The following ZNF33B variants were observed in gnomAD, a reference collection of about 807,000 sequenced individuals.
The protein encoded by ZNF33B is zinc finger protein 33B.
ZNF33B carries 29 observed loss-of-function variants against 45.8 expected under a neutral mutation model. The observed-to-expected ratio is 0.63, with a 90% confidence interval of 0.47 to 0.86. The LOEUF is 0.86. ZNF33B is among the 40% of genes least tolerant of loss of function. The pLI is 0.00. For missense variants in ZNF33B, 831 were observed against 909.9 expected, an observed-to-expected ratio of 0.91 and a Z score of 1.12; for synonymous variants, 305 against 307.8, an observed-to-expected ratio of 0.99 and a Z score of 0.10.
intron 4 of ZNF33B, among the ~76,000 whole-genome samples, chr10:42,610,624 C>G (rs1191165688): frequency 6.6e-6 from 1 of 152,138 alleles, no homozygotes; most frequent in Non-Finnish European, 1.5e-5. Flanking sequence ...AAATACAGAG[C>G]TTGTAGTCTG....
rs1044714361 is a variant in ZNF33B, at chr10:42,616,942, C to T, written c.250+14987G>A. On this transcript the variant is annotated intron_variant, in intron 4 of 4. Coordinates refer to ENST00000359467, the MANE Select transcript of ZNF33B (RefSeq NM_006955.3). ...ATCTCCTGACCTCGTGATCTGCACA[C>T]CTCAGCCTCCCAAAGTGCTGGGATT... Among the ~76,000 whole-genome samples, 7 of 152,072 alleles carry T rather than the reference C, an allele frequency of 4.6e-5. 1 individual carries two copies. In the South Asian group the frequency reaches 8.3e-4, roughly 18 times the overall value.
downstream of ZNF33B, among the ~76,000 whole-genome samples, chr10:42,588,620 G>A (rs1353006859): frequency 6.6e-6 from 1 of 152,226 alleles, no homozygotes; most frequent in African/African-American, 2.4e-5. Flanking sequence ...TCAGAAAGGT[G>A]AGGAGGACAC....
chr10:42,580,225 C>T (rs1223942593), intron 1 of ZNF33B, among the ~76,000 whole-genome samples: 2 of 152,024 alleles, frequency 1.3e-5, no homozygotes, highest in Non-Finnish European at 2.9e-5. Context: ...TTTCTCATCC[C>T]ATGGTTTTTG....
At chr10:42,636,276 A>C (rs1839296113) in intron 2 of ZNF33B, among the ~76,000 whole-genome samples, 1 of 152,226 alleles carries the variant, frequency 6.6e-6, no homozygotes. Context: ...CAGGGCTAAC[A>C]CTGGAAGGTT....
intron 4 of ZNF33B, among the ~76,000 whole-genome samples, chr10:42,620,087 G>A (rs1157139932): frequency 2.0e-5 from 3 of 151,814 alleles, no homozygotes; most frequent in Non-Finnish European, 2.9e-5. Context: ...GTGGTGGCAC[G>A]TGCCTGTAGT....
In ZNF33B at chr10:42,592,580, C is replaced by T. The variant is rs1469169197; in HGVS notation, c.*33G>A. ...TGAAGACTCTGAGGCATTATGGAGG[C>T]TGACTTGTGGCTGGAAATTTCTAAT... On this transcript the variant is annotated 3_prime_UTR_variant, in exon 5 of 5. Transcript: ENST00000359467. 2 of 1,592,638 alleles carry T rather than the reference C, an allele frequency of 1.3e-6. No homozygotes were observed. The highest frequency in any genetic ancestry group is 1.7e-6 in the Non-Finnish European group (2 of 1,169,426).
chr10:42,627,820 T>A (rs1288885126), intron 4 of ZNF33B, among the ~76,000 whole-genome samples: 1 of 150,374 alleles, frequency 6.7e-6, no homozygotes, highest in African/African-American at 2.5e-5. Context: ...TTCTAAATTA[T>A]TATATATTTC....
chr10:42,623,494 C>T (rs963929796), intron 4 of ZNF33B, among the ~76,000 whole-genome samples: 14 of 152,284 alleles, frequency 9.2e-5, no homozygotes, highest in Admixed American at 8.5e-4. Flanking sequence ...ATGGATTAAA[C>T]AGCCAGAAAA....
intron 2 of ZNF33B, 173 bp downstream of exon 2, chr10:42,636,747 G>A (rs570437494): frequency 3.8e-6 from 3 of 799,540 alleles, no homozygotes; most frequent in South Asian, 1.8e-5. Flanking sequence ...TTGAACCCAG[G>A]AGGCAGAGGT....
rs572237020 is a variant in ZNF33B at position 42,575,727 on chromosome 10, T to TATATATAC, written c.74-1050_74-1049insGTATATAT. ...CTGCATAATAATATATATATATATA[T>TATATATAC]ACATATATATTTTTTTTTTTTGAGA... On this transcript the variant is annotated intron_variant, in intron 1 of 1. Coordinates refer to the ZNF33B transcript ENST00000462075. 4.6e-3 allele frequency among the ~76,000 whole-genome samples: 673 copies of TATATATAC among 144,966 alleles called. 20 individuals carry two copies. In the South Asian group the frequency reaches 0.067, roughly 14 times the overall value.
At chr10:42,629,296 G>C (rs537778077) in intron 4 of ZNF33B, among the ~76,000 whole-genome samples, 29 of 152,312 alleles carry the variant, frequency 1.9e-4, no homozygotes, top group African/African-American at 6.7e-4. Flanking sequence ...GGCTGGGAAA[G>C]GTGGTGGGGT....
intron 4 of ZNF33B, 151 bp from the exon 5 acceptor site, chr10:42,594,850 T>C (rs1297461831): frequency 6.2e-6 from 6 of 961,740 alleles, no homozygotes; most frequent in Non-Finnish European, 8.5e-6. Flanking sequence ...TATTTTTTTG[T>C]ATTTCATGAG....
chr10:42,596,737 T>A (rs372504256), intron 4 of ZNF33B, among the ~76,000 whole-genome samples: 7 of 152,102 alleles, frequency 4.6e-5, no homozygotes, highest in Admixed American at 4.6e-4. Context: ...CAATTTCCAA[T>A]TGATCATTTC....
At chr10:42,627,707 T>C (rs1289611702) in intron 4 of ZNF33B, among the ~76,000 whole-genome samples, 1 of 152,218 alleles carries the variant, frequency 6.6e-6, no homozygotes, top group Non-Finnish European at 1.5e-5. Flanking sequence ...CCCACATATA[T>C]TGATATGGTA....
intron 4 of ZNF33B, among the ~76,000 whole-genome samples, chr10:42,609,211 T>C (rs1837998203): frequency 6.6e-6 from 1 of 150,814 alleles, no homozygotes; most frequent in African/African-American, 2.4e-5. Context: ...AACTCAGGAG[T>C]TTGAGACCAG....
rs754747309 is a variant in ZNF33B at position 42,593,346 on chromosome 10, CAGA to C, written c.1601_1603del (p.Phe534del). On this transcript the variant is annotated inframe_deletion, in exon 5 of 5. Transcript: ENST00000359467. ...ATGTATTGTGAGGTCTGACTTCAAG[CAGA>C]AGGTTTTCCCACATTCATAACATTC... The C allele has an allele frequency of 9.9e-6, 16 of 1,613,642 alleles. No homozygotes were observed. The highest frequency in any genetic ancestry group is 9.4e-5 in the African/African-American group (7 of 74,780).
chr10:42,633,458 A>G (rs1180856709), intron 2 of ZNF33B, among the ~76,000 whole-genome samples: 1 of 152,232 alleles, frequency 6.6e-6, no homozygotes, highest in East Asian at 1.9e-4. Context: ...ACATTTACAT[A>G]AACTACTGTA....
intron 1 of ZNF33B, among the ~76,000 whole-genome samples, chr10:42,575,986 G>A (rs1836744234): frequency 6.6e-6 from 1 of 151,992 alleles, no homozygotes; most frequent in African/African-American, 2.4e-5. Flanking sequence ...CCGCCTCCGG[G>A]TTCAAGCAAT....
chr10:42,627,760 T>A (rs1208480326), intron 4 of ZNF33B, among the ~76,000 whole-genome samples: 1 of 152,160 alleles, frequency 6.6e-6, no homozygotes, highest in African/African-American at 2.4e-5. Flanking sequence ...ACTATTAAAT[T>A]TGAGGCCCCT....
Sources: gnomAD v4.1 joint callset for allele counts (sites outside exome capture counted in the v4.1 genomes callset) on GRCh38, gnomAD v4.1.1 for gene constraint, MANE v1.5 for transcripts, NCBI Gene and HGNC (gene_info 2026-07-23, HGNC 2026-07-21) for gene names.